RGMA: variants seen among roughly 807,000 people sequenced by gnomAD.
RGMA encodes the protein repulsive guidance molecule A.
In RGMA, 10 loss-of-function variants were observed where a neutral mutation model predicts 23.2. The observed-to-expected ratio is 0.43, with a 90% CI of 0.27 to 0.73. The LOEUF is 0.73. Among genes scored for constraint, RGMA ranks in the 30% least tolerant of loss-of-function variants. The pLI is 0.20. For missense variants in RGMA, 547 were observed against 630.5 expected, an observed-to-expected ratio of 0.87 and a Z score of 1.42; for synonymous variants, 308 against 279.3, an observed-to-expected ratio of 1.10 and a Z score of -1.03.
rs576650230 is a variant in RGMA, at chr15:93,059,680, A to G, written c.131-7173T>C. On this transcript the variant is annotated intron_variant, in intron 2 of 3. Transcript: ENST00000329082. Reference sequence around the variant, plus strand: ...ACTGGAGTGAGGGGCCCTGACCTCCACGGCCATCCAGTCACCTTGCCTCCA... The same window carrying G: ...ACTGGAGTGAGGGGCCCTGACCTCCGCGGCCATCCAGTCACCTTGCCTCCA... Among the ~76,000 whole-genome samples the G allele has an allele frequency of 3.3e-5, 5 of 152,214 alleles. No homozygotes were observed. In the South Asian group the frequency reaches 1.0e-3, roughly 32 times the overall value.
intron 2 of RGMA, among the ~76,000 whole-genome samples, chr15:93,064,521 TG>T (rs914154874): frequency 1.3e-5 from 2 of 152,218 alleles, no homozygotes; most frequent in Non-Finnish European, 2.9e-5. Context: ...CTTCTGCGTG[TG>T]GGGGAAGAAC....
At chr15:93,074,008 G>C in intron 1 of RGMA, 1 of 1,381,640 alleles carries the variant, frequency 7.2e-7, no homozygotes, top group Non-Finnish European at 9.3e-7. Context: ...TAACTCTGTC[G>C]CTTATTTTTC....
chr15:93,069,212 C>A (rs1426417157), intron 2 of RGMA, among the ~76,000 whole-genome samples: 1 of 152,156 alleles, frequency 6.6e-6, no homozygotes, highest in African/African-American at 2.4e-5. Flanking sequence ...CGGGTTCGGG[C>A]GATTCTCCTG....
At chr15:93,047,305 C>T (rs2141796932) in intron 3 of RGMA, among the ~76,000 whole-genome samples, 1 of 152,292 alleles carries the variant, frequency 6.6e-6, no homozygotes, top group South Asian at 2.1e-4. Flanking sequence ...GAAAAAACCA[C>T]CCCTTCTTCC....
rs1268286957 is a variant in RGMA, at chr15:93,043,035, G to T, written c.*1963C>A. On this transcript the variant is annotated 3_prime_UTR_variant, in exon 4 of 4. Coordinates refer to ENST00000329082, the MANE Select transcript of RGMA (RefSeq NM_020211.3). Reference sequence around the variant, plus strand: ...TGTTCCACTGTCACTAGAACAAGAGGATCTGGGCCTGCCAAGCTCCAAAGA... The same window carrying T: ...TGTTCCACTGTCACTAGAACAAGAGTATCTGGGCCTGCCAAGCTCCAAAGA... 1 of 152,264 alleles carries T rather than the reference G, an allele frequency of 6.6e-6. No homozygotes were observed. The highest frequency in any genetic ancestry group is 1.5e-5 in the Non-Finnish European group (1 of 68,054). The allele number at this position is 152,264 out of a possible 1,614,324, so 9.4% of individuals were successfully genotyped here. A position where few individuals can be genotyped will look rare whatever the true frequency, so the allele number is the denominator to read the frequency against.
rs746855368 is a variant in RGMA at position 93,052,483 on chromosome 15, T to C, written c.155A>G (p.Lys52Arg). 2.5e-6 allele frequency: 4 copies of C among 1,576,922 alleles called. No individual in the cohort carries two copies. The highest frequency in any genetic ancestry group is 3.4e-5 in the Admixed American group (2 of 59,294). The change falls in exon 3 of 4, where the codon AAG becomes AGG. Residue 52 changes from lysine (K) to arginine (R), a missense_variant. By Grantham distance (26) the Lys-to-Arg change is conservative. Around this residue, in one of 3 missense-constraint regions of RGMA, gnomAD observed 214 missense variants for 234.7 expected, o/e 0.91. Transcript: ENST00000329082. ...GGCGCTCCAGAACTCAGAGTTGCACTTGAGGATCTTGCACGGGGAGGTGGC... is the reference window on the plus strand; with the variant it reads ...GGCGCTCCAGAACTCAGAGTTGCACCTGAGGATCTTGCACGGGGAGGTGGC... Reference protein sequence around the residue: ...PAATSPCKILKCNSEFWSATS... With the variant: ...PAATSPCKILRCNSEFWSATS...
At chr15:93,058,738 C>T (rs1596090035) in intron 2 of RGMA, among the ~76,000 whole-genome samples, 1 of 151,720 alleles carries the variant, frequency 6.6e-6, no homozygotes, top group South Asian at 2.1e-4. Context: ...AGCCCCCAAG[C>T]TGCATTCTCC....
rs2054659592 is a variant in RGMA, at chr15:93,036,254, C to T, written c.*8744G>A. 6.6e-6 allele frequency: 1 copy of T among 152,190 alleles called. No homozygotes were observed. The highest frequency in any genetic ancestry group is 6.5e-5 in the Admixed American group (1 of 15,278). 9.4% of individuals were successfully genotyped at this position (152,190 alleles called of 1,614,324 possible). ...ATTTGTTGAATGCCTGAATGTGCCCCCAAATCCAGACTACGACCAGCCACA... is the reference window on the plus strand; with the variant it reads ...ATTTGTTGAATGCCTGAATGTGCCCTCAAATCCAGACTACGACCAGCCACA... On this transcript the variant is annotated 3_prime_UTR_variant, in exon 4 of 4. Coordinates refer to ENST00000329082, the MANE Select transcript of RGMA (RefSeq NM_020211.3).
chr15:93,074,197 A>C, intron 1 of RGMA: 3 of 227,672 alleles, frequency 1.3e-5, no homozygotes, highest in Non-Finnish European at 1.6e-5. Context: ...CCTCACTCCC[A>C]AGCCTGCCCA....
chr15:93,050,043 G>A (rs976779044), intron 3 of RGMA, among the ~76,000 whole-genome samples: 1 of 152,202 alleles, frequency 6.6e-6, no homozygotes, highest in African/African-American at 2.4e-5. Flanking sequence ...CCGGAAACTT[G>A]CGCTGTGCTT....
In RGMA at chr15:93,072,931, A is replaced by C; in HGVS notation, c.115T>G (p.Cys39Gly). The C allele has an allele frequency of 1.2e-6, 2 of 1,607,600 alleles. No individual in the cohort carries two copies. The highest frequency in any genetic ancestry group is 1.7e-6 in the Non-Finnish European group (2 of 1,177,556). Residue 39 changes from cysteine to glycine, a missense_variant, in exon 2 of 4, where the codon TGC (cysteine) becomes GGC (glycine). Transcript: ENST00000329082. ...GFWPTLAFLL[C>G]SFPAATSPCK... ...AGTGCCTTACCTGCGGGGAAGCTGC[A>C]GAGAAGGAAGGCGAGGGTCGGCCAG...
At chr15:93,078,606 G>A (rs540101993) in intron 1 of RGMA, among the ~76,000 whole-genome samples, 7 of 152,002 alleles carry the variant, frequency 4.6e-5, no homozygotes, top group South Asian at 2.1e-4. Context: ...TGATCATATC[G>A]CCTTTCTGGC....
chr15:93,059,450 G>A (rs796165412), intron 2 of RGMA, among the ~76,000 whole-genome samples: 17 of 152,294 alleles, frequency 1.1e-4, no homozygotes, highest in African/African-American at 3.6e-4. Context: ...AAGAGTTTAC[G>A]AGGCTTCCTC....
chr15:93,073,282 G>GCGAGGC, intron 1 of RGMA: 2 of 811,268 alleles, frequency 2.5e-6, no homozygotes, highest in Non-Finnish European at 3.2e-6. Context: ...TCGGGTTTCA[G>GCGAGGC]CGAGGCCGGC....
At chr15:93,086,436 T>C (rs766598463) in intron 1 of RGMA, among the ~76,000 whole-genome samples, 5 of 152,218 alleles carry the variant, frequency 3.3e-5, no homozygotes, top group African/African-American at 9.6e-5. Context: ...ATGTCTATAC[T>C]GCATGCTTCA....
At chr15:93,058,530 C>T (rs1197747699) in intron 2 of RGMA, among the ~76,000 whole-genome samples, 2 of 152,258 alleles carry the variant, frequency 1.3e-5, no homozygotes, top group Non-Finnish European at 2.9e-5. Context: ...GCTTAACTAA[C>T]AGCTAATGTG....
In RGMA at chr15:93,066,670, C is replaced by T. The variant is rs962508049; in HGVS notation, c.130+6246G>A. 10 of 402,936 alleles carry T rather than the reference C, an allele frequency of 2.5e-5. 1 individual carries two copies. The East Asian group carries it at 2.5e-4, about 10-fold the overall frequency. 25.0% of individuals were successfully genotyped at this position (402,936 alleles called of 1,614,324 possible). ...TCGCTCATCCTGCCGGGTCCAGTAC[C>T]GGCCCCCGCCGCCGCCCGGTTTTTT... On this transcript the variant is annotated intron_variant, in intron 2 of 3. Transcript: ENST00000329082.
Position 93,039,120 on chromosome 15 carries a change from T to G in RGMA, c.*5878A>C, listed in dbSNP as rs555541840. 11 of 152,318 alleles carry G rather than the reference T, an allele frequency of 7.2e-5. No individual in the cohort carries two copies. Among genetic ancestry groups the G allele is most frequent in the Non-Finnish European group, 7.3e-5 (5 of 68,028 alleles). The allele number at this position is 152,318 out of a possible 1,614,324, so 9.4% of individuals were successfully genotyped here. A position where few individuals can be genotyped will look rare whatever the true frequency, so the allele number is the denominator to read the frequency against. On this transcript the variant is annotated 3_prime_UTR_variant, in exon 4 of 4. Coordinates refer to ENST00000329082, the MANE Select transcript of RGMA (RefSeq NM_020211.3). ...TCTTCTGGCCTTCATCTTTTTCTCA[T>G]GCTGGCTGTTTTTTACCCTCAAACA...
intron 1 of RGMA, among the ~76,000 whole-genome samples, chr15:93,083,948 T>C (rs1376785047): frequency 6.6e-6 from 1 of 152,262 alleles, no homozygotes; most frequent in Non-Finnish European, 1.5e-5. Context: ...CACAAAAGAA[T>C]CTATTTATTA....
Sources: allele counts gnomAD v4.1 joint callset (sites outside exome capture counted in the v4.1 genomes callset), GRCh38; gene constraint gnomAD v4.1.1; regional missense constraint gnomAD v4.1.1; transcripts MANE v1.5; gene names NCBI Gene and HGNC (gene_info 2026-07-23, HGNC 2026-07-21).